The following XRCC4 variants were observed in gnomAD, a reference collection of about 807,000 sequenced individuals.
The protein encoded by XRCC4 is X-ray repair cross complementing 4.
In XRCC4, 28 loss-of-function variants were observed where a neutral mutation model predicts 39.1. The ratio of observed to expected loss-of-function variants is 0.72; its 90% CI spans 0.53 to 0.98. The LOEUF is 0.98. Ranked by LOEUF, XRCC4 falls within the 50% of genes least tolerant of loss-of-function variation. The probability of loss-of-function intolerance (pLI) is 0.00; values close to 1 mark genes in which losing one functional copy is unlikely to be tolerated. For missense variants in XRCC4, 350 were observed against 376.4 expected (o/e 0.93, Z 0.58); for synonymous variants, 123 against 126.4 (o/e 0.97, Z 0.18).
intron 7 of XRCC4, among the ~76,000 whole-genome samples, chr5:83,346,668 G>A (rs1756925913): frequency 6.6e-6 from 1 of 152,108 alleles, no homozygotes; most frequent in African/African-American, 2.4e-5. Flanking sequence ...GCTGTTCATA[G>A]TGTATAATCA....
intron 6 of XRCC4, among the ~76,000 whole-genome samples, chr5:83,221,103 A>C (rs923424363): frequency 3.9e-5 from 6 of 152,140 alleles, no homozygotes; most frequent in Non-Finnish European, 8.8e-5. Context: ...GATACTGATG[A>C]TAATGAGTAC....
intron 6 of XRCC4, among the ~76,000 whole-genome samples, chr5:83,222,809 GC>G (rs1752139386): frequency 6.6e-6 from 1 of 152,070 alleles, no homozygotes; most frequent in South Asian, 2.1e-4. Context: ...GTGGAGTGGT[GC>G]GATCACGGCT....
rs115922663 is a variant in XRCC4, at chr5:83,351,297, G to C, written c.894-1834G>C. On this transcript the variant is annotated intron_variant, in intron 7 of 7. Coordinates refer to ENST00000396027, the MANE Select transcript of XRCC4 (RefSeq NM_003401.5). The stretch of plus-strand genomic sequence containing the variant: ...ACCCAGTCTCAGGTAGTTCTTTATA[G>C]CAATACAAGAATGGACTAATACATA... 2.8e-3 allele frequency among the ~76,000 whole-genome samples: 430 copies of C among 152,226 alleles called. 1 individual carries two copies. Among genetic ancestry groups the C allele is most frequent in the Non-Finnish European group, 4.6e-3 (311 of 68,018 alleles).
At chr5:83,137,781 C>A (rs543472982) in intron 3 of XRCC4, among the ~76,000 whole-genome samples, 47 of 152,094 alleles carry the variant, frequency 3.1e-4, no homozygotes, top group Admixed American at 9.8e-4. Context: ...TAGGACAGTT[C>A]TTTCTTGTAA....
intron 3 of XRCC4, among the ~76,000 whole-genome samples, chr5:83,144,517 T>TAAA (rs1748347669): frequency 1.6e-5 from 2 of 122,884 alleles, no homozygotes; most frequent in African/African-American, 6.7e-5. Flanking sequence ...AAAAATGTTT[T>TAAA]CTTTTTTGTT....
At chr5:83,141,659 T>G (rs1022791570) in intron 3 of XRCC4, among the ~76,000 whole-genome samples, 2 of 152,196 alleles carry the variant, frequency 1.3e-5, no homozygotes, top group Non-Finnish European at 2.9e-5. Context: ...TATTTGATTT[T>G]GATCCTTTGT....
At chr5:83,083,137 C>T (rs948745305) in intron 1 of XRCC4, among the ~76,000 whole-genome samples, 2 of 152,112 alleles carry the variant, frequency 1.3e-5, no homozygotes, top group South Asian at 2.1e-4. Context: ...TCTCCTCCAC[C>T]CTGTTTTATC....
chr5:83,335,633 A>T (rs947520892), intron 7 of XRCC4, among the ~76,000 whole-genome samples: 2 of 152,030 alleles, frequency 1.3e-5, no homozygotes, highest in African/African-American at 4.8e-5. Flanking sequence ...AGTGTTGTTT[A>T]TCTTTTCATC....
At chr5:83,141,812 A>G (rs953068161) in intron 3 of XRCC4, among the ~76,000 whole-genome samples, 1 of 151,222 alleles carries the variant, frequency 6.6e-6, no homozygotes, top group Non-Finnish European at 1.5e-5. Flanking sequence ...TGGAACAGGT[A>G]GGTCAGGTCT....
At chr5:83,109,444 A>G (rs1746345546) in intron 2 of XRCC4, among the ~76,000 whole-genome samples, 1 of 151,936 alleles carries the variant, frequency 6.6e-6, no homozygotes, top group Non-Finnish European at 1.5e-5. Context: ...TCAGTTTTAT[A>G]AGGAATTAAA....
chr5:83,344,245 T>G (rs1561484823), intron 7 of XRCC4, among the ~76,000 whole-genome samples: 1 of 151,460 alleles, frequency 6.6e-6, no homozygotes, highest in Non-Finnish European at 1.5e-5. Flanking sequence ...AATGTGTGTA[T>G]TTTTTTTAAG....
intron 3 of XRCC4, among the ~76,000 whole-genome samples, chr5:83,123,487 A>G (rs569724188): frequency 1.3e-5 from 2 of 151,558 alleles, no homozygotes; most frequent in African/African-American, 2.4e-5. Context: ...CAGTCTATCA[A>G]TCTGTGTTTT....
chr5:83,167,360 G>A (rs1234524929), intron 3 of XRCC4, among the ~76,000 whole-genome samples: 1 of 152,134 alleles, frequency 6.6e-6, no homozygotes, highest in Non-Finnish European at 1.5e-5. Context: ...AGTAATGTGA[G>A]TGATCAGATT....
intron 1 of XRCC4, among the ~76,000 whole-genome samples, chr5:83,103,029 T>TATATATATATATATATATA (rs932725926): frequency 2.7e-5 from 4 of 146,258 alleles, no homozygotes; most frequent in Non-Finnish European, 6.0e-5. Flanking sequence ...TATATATATA[T>TATATATATATATATATATA]ATGTCAACAT....
chr5:83,188,122 T>C (rs1341754911), intron 3 of XRCC4, among the ~76,000 whole-genome samples: 1 of 152,278 alleles, frequency 6.6e-6, no homozygotes, highest in East Asian at 1.9e-4. Flanking sequence ...AATCTCACTG[T>C]TTCTGTGGGT....
At chr5:83,153,248 A>G (rs995205604) in intron 3 of XRCC4, among the ~76,000 whole-genome samples, 1 of 148,544 alleles carries the variant, frequency 6.7e-6, no homozygotes, top group African/African-American at 2.5e-5. Context: ...TTGCTCTGTC[A>G]CTCAGGCTGG....
intron 7 of XRCC4, chr5:83,259,371 T>C (rs1223216513): frequency 6.6e-6 from 1 of 152,202 alleles, no homozygotes; most frequent in Non-Finnish European, 1.5e-5. Flanking sequence ...TAAATAGTTA[T>C]TGAATGATGA....
chr5:83,360,181 C>T, the XRCC4 span, among the ~76,000 whole-genome samples: 11 of 152,054 alleles, frequency 7.2e-5, no homozygotes, highest in Non-Finnish European at 1.3e-4. Flanking sequence ...TTTTATGTTA[C>T]GACAAGGAGT....
intron 6 of XRCC4, among the ~76,000 whole-genome samples, chr5:83,229,467 A>C (rs1359968855): frequency 6.6e-6 from 1 of 151,756 alleles, no homozygotes; most frequent in Non-Finnish European, 1.5e-5. Flanking sequence ...GTTAACTCAA[A>C]GACCAATGAC....
Sources: allele counts gnomAD v4.1 joint callset (sites outside exome capture counted in the v4.1 genomes callset), GRCh38; gene constraint gnomAD v4.1.1; transcripts MANE v1.5; gene names NCBI Gene and HGNC (gene_info 2026-07-23, HGNC 2026-07-21).